The following HS3ST5 variants were observed in gnomAD, a reference collection of about 807,000 sequenced individuals.
The protein encoded by HS3ST5 is heparan sulfate glucosamine 3-O-sulfotransferase 5.
Under a neutral mutation model 25.4 loss-of-function variants are expected in HS3ST5, and 10 were observed. The observed-to-expected ratio is 0.39, with a 90% CI of 0.24 to 0.67. The LOEUF (loss-of-function observed/expected upper bound fraction) is 0.67, where lower values mean the gene tolerates loss of function less well. HS3ST5 is among the 30% of genes least tolerant of loss of function. The pLI is 0.44. For missense variants in HS3ST5, 324 were observed against 420.7 expected (o/e 0.77, Z 2.01); for synonymous variants, 170 against 162.4 (o/e 1.05, Z -0.36).
At chr6:114,251,642 G>T (rs1490038459) in intron 1 of HS3ST5, 4 of 151,790 alleles carry the variant, frequency 2.6e-5, no homozygotes, top group Non-Finnish European at 5.9e-5. Flanking sequence ...TTGGTTCAGG[G>T]TTGAACACAC....
intron 3 of HS3ST5, among the ~76,000 whole-genome samples, chr6:114,125,836 T>C (rs1027977866): frequency 2.0e-5 from 3 of 152,232 alleles, no homozygotes; most frequent in Non-Finnish European, 2.9e-5. Context: ...TGGCATTGTT[T>C]GACTCTGCTC....
intron 3 of HS3ST5, among the ~76,000 whole-genome samples, chr6:114,077,176 G>A (rs532196820): frequency 1.3e-5 from 2 of 152,272 alleles, no homozygotes; most frequent in East Asian, 3.9e-4. Flanking sequence ...GGCTCTGTCT[G>A]CAGGAGGATA....
At chr6:114,219,903 A>C (rs1338089590) in intron 2 of HS3ST5, among the ~76,000 whole-genome samples, 2 of 152,028 alleles carry the variant, frequency 1.3e-5, no homozygotes, top group Admixed American at 6.6e-5. Flanking sequence ...TGAATTATTT[A>C]TTTTTCTATT....
At chr6:114,284,937 T>A (rs1774273170) in intron 1 of HS3ST5, among the ~76,000 whole-genome samples, 1 of 152,082 alleles carries the variant, frequency 6.6e-6, no homozygotes, top group African/African-American at 2.4e-5. Context: ...AGCTCATTTG[T>A]CTATATAATA....
At chr6:114,127,692 A>G (rs980134677) in intron 3 of HS3ST5, among the ~76,000 whole-genome samples, 2 of 152,154 alleles carry the variant, frequency 1.3e-5, no homozygotes, top group African/African-American at 4.8e-5. Flanking sequence ...GTCCATCAAG[A>G]GATGAATTAA....
At chr6:114,189,673 T>C (rs1780403541) in intron 2 of HS3ST5, among the ~76,000 whole-genome samples, 1 of 152,192 alleles carries the variant, frequency 6.6e-6, no homozygotes, top group Admixed American at 6.6e-5. Context: ...GTTTTCTGAA[T>C]GTGCCTCTTT....
chr6:114,150,242 G>T (rs115950365), intron 3 of HS3ST5, among the ~76,000 whole-genome samples: 1,879 of 152,214 alleles, frequency 0.012, 36 homozygotes, highest in African/African-American at 0.038. Flanking sequence ...ACTGTTATTT[G>T]TGCACACTGT....
chr6:114,273,326 AATT>A (rs1227583724), intron 1 of HS3ST5, among the ~76,000 whole-genome samples: 18 of 152,144 alleles, frequency 1.2e-4, no homozygotes, highest in Middle Eastern at 3.4e-3. Context: ...GCTGGAAGAG[AATT>A]AACTGAAAAA....
chr6:114,097,425 A>G (rs1022141623), intron 3 of HS3ST5, among the ~76,000 whole-genome samples: 1 of 152,012 alleles, frequency 6.6e-6, no homozygotes, highest in African/African-American at 2.4e-5. Flanking sequence ...ATATTAAAAC[A>G]AAAGCATTAT....
intron 2 of HS3ST5, among the ~76,000 whole-genome samples, chr6:114,183,337 C>T (rs1188559024): frequency 6.6e-6 from 1 of 152,108 alleles, no homozygotes. Flanking sequence ...ACCCCTTTTG[C>T]CTGGCTCTCA....
chr6:114,195,581 C>T (rs949299716), intron 2 of HS3ST5, among the ~76,000 whole-genome samples: 1 of 152,194 alleles, frequency 6.6e-6, no homozygotes, highest in Non-Finnish European at 1.5e-5. Context: ...CCTGTGGGCT[C>T]ATGGCCTCTG....
At position 114,272,559 on chromosome 6, in the gene HS3ST5, C is replaced by G. The variant is rs527296834; in HGVS notation, c.-338-43781G>C. 2.0e-4 allele frequency among the ~76,000 whole-genome samples: 31 copies of G among 152,206 alleles called. 1 individual carries two copies. The highest frequency in any genetic ancestry group is 7.2e-4 in the African/African-American group (30 of 41,556). On this transcript the variant is annotated intron_variant, in intron 1 of 4. Transcript: ENST00000312719. ...ATGTTAACCTGCCTAAGATGGAACACCAAAGTCTTCCAGTGCTGCTGTTCC... is the reference window on the plus strand; with the variant it reads ...ATGTTAACCTGCCTAAGATGGAACAGCAAAGTCTTCCAGTGCTGCTGTTCC...
At chr6:114,170,636 T>C (rs1779436569) in intron 2 of HS3ST5, among the ~76,000 whole-genome samples, 1 of 152,096 alleles carries the variant, frequency 6.6e-6, no homozygotes, top group East Asian at 1.9e-4. Context: ...CTGACAACCA[T>C]GACCTGAGAA....
intron 3 of HS3ST5, among the ~76,000 whole-genome samples, chr6:114,136,051 CAT>C (rs1777585865): frequency 6.6e-6 from 1 of 152,196 alleles, no homozygotes; most frequent in Non-Finnish European, 1.5e-5. Context: ...GTGCTCAGTG[CAT>C]ACTGGTTGAA....
chr6:114,278,421 A>C (rs1249071048), intron 1 of HS3ST5, among the ~76,000 whole-genome samples: 1 of 152,012 alleles, frequency 6.6e-6, no homozygotes, highest in African/African-American at 2.4e-5. Context: ...AAGAACAGAA[A>C]AATTTCTCCC....
intron 2 of HS3ST5, among the ~76,000 whole-genome samples, chr6:114,184,947 T>G (rs1780145236): frequency 6.6e-6 from 1 of 152,238 alleles, no homozygotes; most frequent in East Asian, 1.9e-4. Context: ...GTCCCATTAT[T>G]GTATTTTGGA....
At chr6:114,203,188 C>A (rs1434080812) in intron 2 of HS3ST5, among the ~76,000 whole-genome samples, 3 of 152,182 alleles carry the variant, frequency 2.0e-5, no homozygotes, top group Non-Finnish European at 2.9e-5. Flanking sequence ...GCTGAACTCA[C>A]AAAAGACAGA....
chr6:114,249,076 T>C (rs1036711994), intron 1 of HS3ST5, among the ~76,000 whole-genome samples: 1 of 152,200 alleles, frequency 6.6e-6, no homozygotes, highest in Non-Finnish European at 1.5e-5. Flanking sequence ...TTCTCAGAGT[T>C]TTGCCAAGAC....
chr6:114,223,958 C>A (rs9481432), intron 2 of HS3ST5, among the ~76,000 whole-genome samples: 1 of 151,344 alleles, frequency 6.6e-6, no homozygotes, highest in Non-Finnish European at 1.5e-5. Flanking sequence ...GAACAAACTT[C>A]TATGGTAGCT....
Sources: gnomAD v4.1 joint callset for allele counts (sites outside exome capture counted in the v4.1 genomes callset) on GRCh38, gnomAD v4.1.1 for gene constraint, MANE v1.5 for transcripts, NCBI Gene and HGNC (gene_info 2026-07-23, HGNC 2026-07-21) for gene names.